The following PSD3 variants were observed in gnomAD, a reference collection of about 807,000 sequenced individuals.
The protein encoded by PSD3 is PH and SEC7 domain-containing protein 3.
Under a neutral mutation model 105.5 loss-of-function variants are expected in PSD3, and 49 were observed. That is an observed-to-expected ratio of 0.46 (90% CI 0.37 to 0.59). PSD3 has a LOEUF of 0.59. Among genes scored for constraint, PSD3 ranks in the 20% least tolerant of loss-of-function variants. The pLI is 0.00. For missense variants in PSD3, 1,561 were observed against 1,263.8 expected (o/e 1.24, Z -3.57); for synonymous variants, 557 against 457.8 (o/e 1.22, Z -2.77).
At chr8:18,574,064 C>T (rs1204831003) in intron 13 of PSD3, among the ~76,000 whole-genome samples, 4 of 152,010 alleles carry the variant, frequency 2.6e-5, no homozygotes, top group Admixed American at 2.6e-4. Flanking sequence ...ATTCACAGCA[C>T]TTAATAAATA....
chr8:18,593,542 C>G (rs898069521), intron 12 of PSD3, among the ~76,000 whole-genome samples: 7 of 152,088 alleles, frequency 4.6e-5, no homozygotes, highest in Admixed American at 2.6e-4. Flanking sequence ...TAAACTAGTT[C>G]AACCATTGTG....
At chr8:18,791,071 G>A (rs1408469875) in intron 8 of PSD3, among the ~76,000 whole-genome samples, 2 of 152,120 alleles carry the variant, frequency 1.3e-5, no homozygotes, top group African/African-American at 4.8e-5. Flanking sequence ...AAAAAAATCA[G>A]AGATGACACT....
At chr8:19,035,142 G>A (rs1439163627) in intron 1 of PSD3, among the ~76,000 whole-genome samples, 2 of 152,068 alleles carry the variant, frequency 1.3e-5, no homozygotes, top group South Asian at 2.1e-4. Context: ...ATTTGATATT[G>A]CATGTGTCTA....
chr8:18,806,256 C>T (rs979585626), intron 4 of PSD3, among the ~76,000 whole-genome samples: 1 of 152,144 alleles, frequency 6.6e-6, no homozygotes, highest in Non-Finnish European at 1.5e-5. Context: ...ATTGTTTTTG[C>T]ACCATAAGAT....
intron 4 of PSD3, among the ~76,000 whole-genome samples, chr8:18,844,331 T>C (rs1814903886): frequency 6.6e-6 from 1 of 152,136 alleles, no homozygotes; most frequent in South Asian, 2.1e-4. Flanking sequence ...CCTGTTGTAT[T>C]TCATTAATAT....
At chr8:19,000,612 C>T (rs1826322630) in intron 1 of PSD3, 1 of 151,770 alleles carries the variant, frequency 6.6e-6, no homozygotes, top group Non-Finnish European at 1.5e-5. Context: ...TGCAAGAGAG[C>T]TATTAATGAA....
chr8:18,739,366 A>G (rs560564842), intron 9 of PSD3, among the ~76,000 whole-genome samples: 1 of 152,318 alleles, frequency 6.6e-6, no homozygotes, highest in East Asian at 1.9e-4. Context: ...TTGAAATACC[A>G]AGAGTATTTA....
chr8:18,952,953 A>T (rs993454712), intron 1 of PSD3, among the ~76,000 whole-genome samples: 1 of 152,228 alleles, frequency 6.6e-6, no homozygotes, highest in African/African-American at 2.4e-5. Flanking sequence ...AGCAAAGATA[A>T]AAGACATGTA....
At chr8:18,583,429 T>A (rs1336942146) in intron 12 of PSD3, among the ~76,000 whole-genome samples, 1 of 151,976 alleles carries the variant, frequency 6.6e-6, no homozygotes, top group East Asian at 1.9e-4. Context: ...AGACCTAGTT[T>A]CAAAAAAATA....
intron 1 of PSD3, among the ~76,000 whole-genome samples, chr8:18,977,532 C>G (rs941136328): frequency 6.6e-6 from 1 of 151,962 alleles, no homozygotes. Flanking sequence ...AGATAATGGG[C>G]CTTTTTATTT....
chr8:18,744,054 C>T (rs1001310909), intron 9 of PSD3, among the ~76,000 whole-genome samples: 1 of 150,498 alleles, frequency 6.6e-6, no homozygotes, highest in Non-Finnish European at 1.5e-5. Context: ...ACACATTCAT[C>T]TTCTAGATTC....
At chr8:18,680,055 T>C (rs993204444) in intron 9 of PSD3, among the ~76,000 whole-genome samples, 2 of 152,206 alleles carry the variant, frequency 1.3e-5, no homozygotes, top group African/African-American at 4.8e-5. Flanking sequence ...TATCACGTAG[T>C]TTGGCAAGAG....
At chr8:19,066,827 G>T (rs1251141857) in intron 1 of PSD3, among the ~76,000 whole-genome samples, 2 of 152,198 alleles carry the variant, frequency 1.3e-5, no homozygotes, top group Non-Finnish European at 2.9e-5. Flanking sequence ...CTATTAGCCT[G>T]GAAGTCACTT....
chr8:18,917,118 C>A (rs961949281), intron 2 of PSD3, among the ~76,000 whole-genome samples: 1 of 152,226 alleles, frequency 6.6e-6, no homozygotes, highest in East Asian at 1.9e-4. Flanking sequence ...ACCCTCAATG[C>A]CTTCACCTTC....
chr8:18,952,269 T>C (rs1416682977), intron 1 of PSD3, among the ~76,000 whole-genome samples: 4 of 152,224 alleles, frequency 2.6e-5, no homozygotes, highest in African/African-American at 9.6e-5. Context: ...GCTTATTCTT[T>C]CTATCTTTAC....
chr8:18,848,622 G>A (rs1353399154), intron 4 of PSD3, among the ~76,000 whole-genome samples: 1 of 152,200 alleles, frequency 6.6e-6, no homozygotes, highest in Non-Finnish European at 1.5e-5. Flanking sequence ...TCATGTAGGG[G>A]TGCTTCTAGA....
At chr8:19,021,575 C>A (rs1396898630) in intron 1 of PSD3, among the ~76,000 whole-genome samples, 1 of 150,840 alleles carries the variant, frequency 6.6e-6, no homozygotes, top group Non-Finnish European at 1.5e-5. Context: ...AAAAAAAACC[C>A]ATAGCTTCTT....
At chr8:18,702,096 C>T (rs1390478808) in intron 9 of PSD3, among the ~76,000 whole-genome samples, 2 of 152,218 alleles carry the variant, frequency 1.3e-5, no homozygotes, top group Non-Finnish European at 2.9e-5. Flanking sequence ...ACTTCAGATA[C>T]TCCGACTGAT....
rs1234735998 is a variant in PSD3, at chr8:18,531,548, G to A, written c.*4195C>T. On this transcript the variant is annotated 3_prime_UTR_variant, in exon 16 of 16. Coordinates refer to ENST00000327040, the MANE Select transcript of PSD3 (RefSeq NM_015310.4). Reference sequence around the variant, plus strand: ...TCATGTAAGATGCTATAAGACTGGTGGAAAGAAATTTGCTGACATGTGGCA... The same window carrying A: ...TCATGTAAGATGCTATAAGACTGGTAGAAAGAAATTTGCTGACATGTGGCA... 2.0e-5 allele frequency: 3 copies of A among 152,288 alleles called. No homozygotes were observed. The allele number at this position is 152,288 out of a possible 1,614,324, so 9.4% of individuals were successfully genotyped here. A position where few individuals can be genotyped will look rare whatever the true frequency, so the allele number is the denominator to read the frequency against.
Sources: gnomAD v4.1 joint callset for allele counts (sites outside exome capture counted in the v4.1 genomes callset) on GRCh38, gnomAD v4.1.1 for gene constraint, MANE v1.5 for transcripts, NCBI Gene and HGNC (gene_info 2026-07-23, HGNC 2026-07-21) for gene names.